NPHP4: variants seen among roughly 807,000 people sequenced by gnomAD.
The protein encoded by NPHP4 is nephrocystin 4, also known as nephrocystin-4.
Under a neutral mutation model 155.8 loss-of-function variants are expected in NPHP4, and 151 were observed. That is an observed-to-expected ratio of 0.97 (90% CI 0.85 to 1.11). NPHP4 has a LOEUF of 1.11. Among genes scored for constraint, NPHP4 ranks in the 50% least tolerant of loss-of-function variants. NPHP4 has a pLI of 0.00. For missense variants in NPHP4, 1,956 were observed against 1,925.7 expected, an observed-to-expected ratio of 1.02 and a Z score of -0.29; for synonymous variants, 845 against 816.8, an observed-to-expected ratio of 1.03 and a Z score of -0.59.
chr1:5,967,917 T>C (rs1254589472), intron 4 of NPHP4, among the ~76,000 whole-genome samples: 2 of 151,954 alleles, frequency 1.3e-5, no homozygotes, highest in Non-Finnish European at 2.9e-5. Context: ...TGAGAAACCC[T>C]GACTTGGAGT....
At position 5,944,505 on chromosome 1, in the gene NPHP4, G is replaced by C. The variant is rs191481752; in HGVS notation, c.1119+2599C>G. ...GTCCCGCTCAATTCCAGTTTCACCC[G>C]GTGGATGCTTAACCCACTTCCAATG... On this transcript the variant is annotated intron_variant, in intron 9 of 29. Coordinates refer to ENST00000378156, the MANE Select transcript of NPHP4 (RefSeq NM_015102.5). This position sits in a 1 kb window ranked among gnomAD's most constrained non-coding sequence, Gnocchi z 4.3. 4.6e-5 allele frequency among the ~76,000 whole-genome samples: 7 copies of C among 152,194 alleles called. No homozygotes were observed. The highest frequency in any genetic ancestry group is 1.7e-4 in the African/African-American group (7 of 41,450).
intron 23 of NPHP4, 105 bp from the exon 24 acceptor site, chr1:5,868,001 T>A: frequency 8.0e-7 from 1 of 1,250,478 alleles, no homozygotes. Context: ...CAAGACCCCC[T>A]CACCCTCCAC....
chr1:5,946,879 T>A (rs1300043684), intron 9 of NPHP4, among the ~76,000 whole-genome samples: 2 of 152,276 alleles, frequency 1.3e-5, no homozygotes, highest in African/African-American at 4.8e-5. Context: ...CAGGAGGGCA[T>A]GGGAGCTCCA....
At position 5,967,349 on chromosome 1, in the gene NPHP4, T is replaced by C. The variant is rs199897869; in HGVS notation, c.467A>G (p.His156Arg). ...ASQDKRLRLY[H>R]GTPRALLHPL... The stretch of plus-strand genomic sequence containing the variant: ...GTGCAGGAGGGCTCTGGGGGTGCCA[T>C]GGTACAGCCGCAACCTGGAAGACAG... The change falls in exon 5 of 30, where the codon CAT (histidine) becomes CGT (arginine). Residue 156 changes from histidine to arginine, a missense_variant. Coordinates refer to ENST00000378156, the MANE Select transcript of NPHP4 (RefSeq NM_015102.5). 1.9e-4 allele frequency: 313 copies of C among 1,606,966 alleles called. 1 individual carries two copies. The highest frequency in any genetic ancestry group is 5.0e-4 in the Middle Eastern group (3 of 6,052).
chr1:5,870,286 TAGTC>T (rs1240273314), intron 23 of NPHP4, among the ~76,000 whole-genome samples: 1 of 152,196 alleles, frequency 6.6e-6, no homozygotes, highest in Non-Finnish European at 1.5e-5. Context: ...CTGCCCTGGT[TAGTC>T]AGGGCACGAA....
chr1:5,887,210 T>G, intron 18 of NPHP4, 76 bp downstream of exon 18: 2 of 1,387,890 alleles, frequency 1.4e-6, no homozygotes, highest in Non-Finnish European at 2.0e-6. Flanking sequence ...ATGTGGCCCC[T>G]GCCCGAGGGA....
chr1:5,986,315 C>G lies in NPHP4; in HGVS notation c.-26G>C. 6.2e-7 allele frequency: 1 copy of G among 1,612,520 alleles called. No homozygotes were observed. Among genetic ancestry groups the G allele is most frequent in the Non-Finnish European group, 8.5e-7 (1 of 1,179,186 alleles). ...CCTGCCCGCCTGAGGGTCCCGTGGG[C>G]TTCCCGGATGATCTGTGCCAGTCGT... On this transcript the variant is annotated 5_prime_UTR_variant, in exon 2 of 30. Transcript: ENST00000378156.
chr1:5,916,601 C>A (rs1267340488), intron 11 of NPHP4, among the ~76,000 whole-genome samples: 1 of 152,226 alleles, frequency 6.6e-6, no homozygotes, highest in Non-Finnish European at 1.5e-5. Flanking sequence ...TTTGCACCAC[C>A]GTTCAACTCC....
intron 19 of NPHP4, among the ~76,000 whole-genome samples, chr1:5,878,071 G>A (rs1020924798): frequency 1.3e-5 from 2 of 152,228 alleles, no homozygotes; most frequent in African/African-American, 4.8e-5. Flanking sequence ...CCCGGCACAG[G>A]CAGGGCAGCT....
intron 9 of NPHP4, among the ~76,000 whole-genome samples, chr1:5,934,809 C>T (rs368755753): frequency 2.0e-5 from 3 of 152,314 alleles, no homozygotes; most frequent in East Asian, 3.9e-4. Flanking sequence ...ACAGCATCCA[C>T]CAGGAACAGA....
chr1:5,891,162 A>G lies in NPHP4; in HGVS notation c.2144-134T>C, dbSNP rs1408122435. 8 of 516,262 alleles carry G rather than the reference A, an allele frequency of 1.5e-5. No individual in the cohort carries two copies. The East Asian group carries it at 2.4e-4, about 16-fold the overall frequency. The allele number at this position is 516,262 out of a possible 1,614,324, so 32.0% of individuals were successfully genotyped here. On this transcript the variant is annotated intron_variant, in intron 16 of 29. Transcript: ENST00000378156. ...ATAGCTACAGTTAATAAACACATTA[A>G]TCAAAAACATCATAAAATATTCAAA... is the stretch of plus-strand genomic sequence containing the variant.
In NPHP4 at chr1:5,880,344, A is replaced by G. The variant is rs575524564; in HGVS notation, c.2486-105T>C. The G allele has an allele frequency of 1.3e-3, 1,468 of 1,123,548 alleles. 4 individuals carry two copies. The highest frequency in any genetic ancestry group is 2.6e-3 in the Middle Eastern group (13 of 5,026). The allele number at this position is 1,123,548 out of a possible 1,614,324, so 69.6% of individuals were successfully genotyped here. On this transcript the variant is annotated intron_variant, in intron 18 of 29. Coordinates refer to ENST00000378156, the MANE Select transcript of NPHP4 (RefSeq NM_015102.5). ...GCTGTGGCTTTCAAATGGCCTATCT[A>G]CACCCTGACACGCTAAGGCCCCACC...
intron 3 of NPHP4, among the ~76,000 whole-genome samples, chr1:5,977,520 T>C (rs1653826883): frequency 6.6e-6 from 1 of 151,972 alleles, no homozygotes; most frequent in African/African-American, 2.4e-5. Context: ...CAACTTGCAA[T>C]TACTCTGTTA....
rs117604503 is a variant in NPHP4 at position 5,873,523 on chromosome 1, G to A, written c.3232-188C>T. The stretch of plus-strand genomic sequence containing the variant: ...AAGGCTGAGGCTGCCAGGAACAAAG[G>A]GAACAGCAGATCCCAGGTGGAAACC... On this transcript the variant is annotated intron_variant, in intron 22 of 29. Transcript: ENST00000378156. 2.4e-4 allele frequency: 149 copies of A among 620,508 alleles called. No individual in the cohort carries two copies. The East Asian group carries it at 4.0e-3, about 17-fold the overall frequency. 38.4% of individuals were successfully genotyped at this position (620,508 alleles called of 1,614,324 possible). A position where few individuals can be genotyped will look rare whatever the true frequency, so the allele number is the denominator to read the frequency against.
intron 10 of NPHP4, among the ~76,000 whole-genome samples, chr1:5,930,933 T>C (rs910206854): frequency 1.3e-5 from 2 of 152,226 alleles, no homozygotes; most frequent in Non-Finnish European, 2.9e-5. Flanking sequence ...TTTTGCTTCA[T>C]GTATTTTGAA....
intron 23 of NPHP4, among the ~76,000 whole-genome samples, chr1:5,868,788 C>T (rs1485131641): frequency 5.0e-5 from 7 of 139,396 alleles, no homozygotes; most frequent in Middle Eastern, 5.2e-3. Context: ...CACACGCACA[C>T]AATGCACACA....
rs376968017 is a variant in NPHP4, at chr1:5,873,239, G to A, written c.3315+13C>T. Reference sequence around the variant, plus strand: ...AAGCCCCGAGATCAGTTTGTCCTCCGTTGCCCCTTTACCTTGGCGTGTTTA... The same window carrying A: ...AAGCCCCGAGATCAGTTTGTCCTCCATTGCCCCTTTACCTTGGCGTGTTTA... On this transcript the variant is annotated intron_variant, in intron 23 of 29. Transcript: ENST00000378156. 2.3e-5 allele frequency: 37 copies of A among 1,606,912 alleles called. No individual in the cohort carries two copies. Among genetic ancestry groups the A allele is most frequent in the African/African-American group, 6.7e-5 (5 of 74,782 alleles).
intron 29 of NPHP4, chr1:5,863,641 C>T: frequency 1.6e-6 from 1 of 620,186 alleles, no homozygotes; most frequent in Non-Finnish European, 2.8e-6. Context: ...CGAGACTGAG[C>T]TGTCTAACAT....
At chr1:5,959,609 C>T (rs978027283) in intron 6 of NPHP4, among the ~76,000 whole-genome samples, 1 of 152,194 alleles carries the variant, frequency 6.6e-6, no homozygotes, top group African/African-American at 2.4e-5. Context: ...ACTACCCCTC[C>T]GGCTCCAAGA....
Sources: allele counts gnomAD v4.1 joint callset (sites outside exome capture counted in the v4.1 genomes callset), GRCh38; gene constraint gnomAD v4.1.1; non-coding constraint Gnocchi (gnomAD v3.1); transcripts MANE v1.5; gene names NCBI Gene and HGNC (gene_info 2026-07-23, HGNC 2026-07-21).